RIMS1: variants seen among roughly 807,000 people sequenced by gnomAD.
RIMS1 encodes regulating synaptic membrane exocytosis protein 1.
Under a neutral mutation model 214.1 loss-of-function variants are expected in RIMS1, and 83 were observed. The ratio of observed to expected loss-of-function variants is 0.39; its 90% CI spans 0.32 to 0.47. The LOEUF is 0.47. Among genes scored for constraint, RIMS1 ranks in the 20% least tolerant of loss-of-function variants. The pLI is 0.99. For missense variants in RIMS1, 2,050 were observed against 2,161.8 expected (o/e 0.95, Z 1.03); for synonymous variants, 793 against 786.8 (o/e 1.01, Z -0.13).
At chr6:71,895,251 T>C (rs1026328609) in intron 1 of RIMS1, among the ~76,000 whole-genome samples, 1 of 152,232 alleles carries the variant, frequency 6.6e-6, no homozygotes, top group Non-Finnish European at 1.5e-5. Flanking sequence ...TAAAGCAGTA[T>C]TGCTTAATAT....
At chr6:72,291,637 A>G (rs1326946507) in intron 25 of RIMS1, among the ~76,000 whole-genome samples, 1 of 152,206 alleles carries the variant, frequency 6.6e-6, no homozygotes, top group Non-Finnish European at 1.5e-5. Flanking sequence ...GCCAAAACTG[A>G]ATAACTTGCC....
intron 1 of RIMS1, among the ~76,000 whole-genome samples, chr6:71,935,843 A>G (rs1044602658): frequency 1.3e-5 from 2 of 152,228 alleles, no homozygotes; most frequent in Non-Finnish European, 2.9e-5. Context: ...TCTCTAAAAT[A>G]TTATGGACAT....
In RIMS1 at chr6:72,323,702, T is replaced by C. The variant is rs2096288316; in HGVS notation, c.4131-9898T>C. Among the ~76,000 whole-genome samples the C allele has an allele frequency of 1.3e-5, 2 of 151,704 alleles. 1 individual carries two copies. The highest frequency in any genetic ancestry group is 4.1e-4 in the South Asian group (2 of 4,824). ...AATTTTCCAGGACTGATAAAAGACA[T>C]CAAATTACAAATCTGAAATCTTTAC... On this transcript the variant is annotated intron_variant, in intron 28 of 33. Coordinates refer to ENST00000521978, the MANE Select transcript of RIMS1 (RefSeq NM_014989.7).
chr6:72,379,020 T>C (rs958421354), intron 29 of RIMS1, among the ~76,000 whole-genome samples: 21 of 152,326 alleles, frequency 1.4e-4, no homozygotes, highest in African/African-American at 5.1e-4. Flanking sequence ...AGCCTTATTC[T>C]TCCAGACATG....
intron 1 of RIMS1, among the ~76,000 whole-genome samples, chr6:71,914,587 T>C (rs1213603937): frequency 6.6e-6 from 1 of 152,142 alleles, no homozygotes; most frequent in Non-Finnish European, 1.5e-5. Context: ...GAATTTATAT[T>C]TAGAGTAATT....
intron 29 of RIMS1, among the ~76,000 whole-genome samples, chr6:72,339,956 G>A (rs891521380): frequency 7.9e-5 from 12 of 152,028 alleles, no homozygotes; most frequent in South Asian, 2.1e-4. Context: ...GTTGTTTCCT[G>A]ACTTTTTAAT....
At chr6:72,265,752 G>C (rs541744923) in intron 21 of RIMS1, among the ~76,000 whole-genome samples, 4 of 152,028 alleles carry the variant, frequency 2.6e-5, no homozygotes, top group Admixed American at 1.3e-4. Flanking sequence ...AGCAATTTAA[G>C]CATAATCTTT....
intron 1 of RIMS1, among the ~76,000 whole-genome samples, chr6:71,920,047 T>G (rs898172868): frequency 1.4e-4 from 22 of 152,186 alleles, no homozygotes; most frequent in African/African-American, 5.3e-4. Flanking sequence ...TATACTCAAA[T>G]GTACAACTGT....
At chr6:71,983,400 A>G (rs186491168) in intron 2 of RIMS1, among the ~76,000 whole-genome samples, 27 of 152,238 alleles carry the variant, frequency 1.8e-4, no homozygotes, top group Admixed American at 1.6e-3. Flanking sequence ...AGATTAAGTT[A>G]TACAGGGAAA....
At chr6:72,116,594 T>G (rs867393763) in intron 4 of RIMS1, among the ~76,000 whole-genome samples, 30 of 152,010 alleles carry the variant, frequency 2.0e-4, no homozygotes, top group African/African-American at 6.5e-4. Context: ...GCAAACTTTT[T>G]CTGTAAAGGA....
At chr6:72,395,180 C>G (rs2098758147) in intron 31 of RIMS1, among the ~76,000 whole-genome samples, 1 of 152,014 alleles carries the variant, frequency 6.6e-6, no homozygotes, top group African/African-American at 2.4e-5. Context: ...CCAAAAAGCT[C>G]AAACTTACTC....
chr6:71,929,682 C>T (rs533304206), intron 1 of RIMS1, among the ~76,000 whole-genome samples: 1 of 151,868 alleles, frequency 6.6e-6, no homozygotes, highest in South Asian at 2.1e-4. Context: ...CAGTTCAGCA[C>T]TAGAGGGAGG....
chr6:72,347,178 A>C (rs1032369201), intron 29 of RIMS1, among the ~76,000 whole-genome samples: 1 of 151,808 alleles, frequency 6.6e-6, no homozygotes, highest in Non-Finnish European at 1.5e-5. Context: ...TATATCTTCA[A>C]CTTTGCCCTA....
chr6:72,043,457 G>A (rs972249461), intron 2 of RIMS1, among the ~76,000 whole-genome samples: 2 of 151,778 alleles, frequency 1.3e-5, no homozygotes, highest in Non-Finnish European at 2.9e-5. Context: ...TGTGAGGAAG[G>A]AGGTCAAAAC....
At chr6:72,285,688 A>G (rs17795297) in intron 24 of RIMS1, among the ~76,000 whole-genome samples, 1,703 of 152,278 alleles carry the variant, frequency 0.011, 10 homozygotes, top group Non-Finnish European at 0.017. Flanking sequence ...TGATGAAACA[A>G]TGTTTGTATT....
chr6:72,100,239 C>T (rs1335563720), intron 4 of RIMS1, among the ~76,000 whole-genome samples: 20 of 152,050 alleles, frequency 1.3e-4, no homozygotes, highest in Non-Finnish European at 2.4e-4. Flanking sequence ...TCATTGCAAG[C>T]TCATTTATCT....
rs1156748884 is a variant in RIMS1 at position 72,182,745 on chromosome 6, C to T, written c.1274C>T (p.Pro425Leu). ...GCCAGGGCCTCGCCGCCGGACTCGC[C>T]GCGGGCTTACTCGGCTGAGAGAACT... ...AAARASPPDS[P>L]RAYSAERTAE... is the part of the protein sequence containing the mutation. The change falls in exon 6 of 34, where the codon CCG becomes CTG. Residue 425 changes from proline (P) to leucine (L), a missense_variant. Coordinates refer to ENST00000521978, the MANE Select transcript of RIMS1 (RefSeq NM_014989.7). 1.3e-6 allele frequency: 2 copies of T among 1,541,530 alleles called. No individual in the cohort carries two copies. Among genetic ancestry groups the T allele is most frequent in the African/African-American group, 1.4e-5 (1 of 72,878 alleles).
chr6:72,325,321 A>G (rs2096402226), intron 28 of RIMS1, among the ~76,000 whole-genome samples: 1 of 151,762 alleles, frequency 6.6e-6, no homozygotes, highest in Non-Finnish European at 1.5e-5. Context: ...ATAGATCATT[A>G]TTTACAGTTT....
chr6:71,956,148 A>G (rs117781914), intron 1 of RIMS1, among the ~76,000 whole-genome samples: 1,837 of 152,164 alleles, frequency 0.012, 10 homozygotes, highest in Non-Finnish European at 0.018. Context: ...AATCTGTAAT[A>G]TTTCCACTCT....
Sources: allele counts gnomAD v4.1 joint callset (sites outside exome capture counted in the v4.1 genomes callset), GRCh38; gene constraint gnomAD v4.1.1; transcripts MANE v1.5; gene names NCBI Gene and HGNC (gene_info 2026-07-23, HGNC 2026-07-21).